The following SCN8A variants were observed in gnomAD, a reference collection of about 807,000 sequenced individuals.
The protein encoded by SCN8A is sodium channel protein type 8 subunit alpha.
SCN8A carries 30 observed loss-of-function variants against 184.1 expected under a neutral mutation model. The observed-to-expected ratio is 0.16, with a 90% CI of 0.12 to 0.22. The LOEUF (loss-of-function observed/expected upper bound fraction) is 0.22, where lower values mean the gene tolerates loss of function less well. Among genes scored for constraint, SCN8A ranks in the 10% least tolerant of loss-of-function variants. The pLI is 1.00. For missense variants in SCN8A, 1,057 were observed against 2,498.9 expected (o/e 0.42, Z 12.30); for synonymous variants, 852 against 907.0 (o/e 0.94, Z 1.09).
At chr12:51,668,858 CAT>C (rs1322815392) in intron 2 of SCN8A, among the ~76,000 whole-genome samples, 1 of 152,186 alleles carries the variant, frequency 6.6e-6, no homozygotes, top group Non-Finnish European at 1.5e-5. Flanking sequence ...AGTATACAAT[CAT>C]GTGTCACTTA....
intron 1 of SCN8A, among the ~76,000 whole-genome samples, chr12:51,657,311 A>G (rs923489709): frequency 9.9e-5 from 15 of 152,170 alleles, no homozygotes; most frequent in African/African-American, 3.4e-4. Flanking sequence ...TATTAGGAAC[A>G]TTCAAAATCC....
chr12:51,742,807 A>G (rs544656308), intron 12 of SCN8A, among the ~76,000 whole-genome samples: 17 of 152,096 alleles, frequency 1.1e-4, no homozygotes, highest in Non-Finnish European at 2.2e-4. Context: ...CTCTTTCTCT[A>G]CGTCCTTTTT....
intron 18 of SCN8A, 166 bp downstream of exon 18, chr12:51,770,151 A>G (rs1942902675): frequency 1.6e-6 from 1 of 625,744 alleles, no homozygotes; most frequent in Non-Finnish European, 2.8e-6. Context: ...CCCTATTTGT[A>G]TCTGACAAGT....
At position 51,810,324 on chromosome 12, in the gene SCN8A, C is replaced by A; in HGVS notation, c.*2895C>A. 1 of 358,928 alleles carries A rather than the reference C, an allele frequency of 2.8e-6. No individual in the cohort carries two copies. Among genetic ancestry groups the A allele is most frequent in the Non-Finnish European group, 5.7e-6 (1 of 175,338 alleles). The allele number at this position is 358,928 out of a possible 1,614,324, so 22.2% of individuals were successfully genotyped here. A position where few individuals can be genotyped will look rare whatever the true frequency, so the allele number is the denominator to read the frequency against. Reference sequence around the variant, plus strand: ...TTCCACCTGCTCACTCACTCACTCTCTCACCCATCCTGCTCCACACTTCTT... The same window carrying A: ...TTCCACCTGCTCACTCACTCACTCTATCACCCATCCTGCTCCACACTTCTT... On this transcript the variant is annotated 3_prime_UTR_variant, in exon 27 of 27. Transcript: ENST00000627620.
chr12:51,632,592 GTTC>G (rs1252586861), intron 1 of SCN8A, among the ~76,000 whole-genome samples: 2 of 152,170 alleles, frequency 1.3e-5, no homozygotes, highest in Non-Finnish European at 2.9e-5. Context: ...TATCATAACA[GTTC>G]TTTTGGCTGA....
chr12:51,644,934 T>C (rs1244506816), intron 1 of SCN8A, among the ~76,000 whole-genome samples: 1 of 147,736 alleles, frequency 6.8e-6, no homozygotes, highest in East Asian at 2.1e-4. Context: ...AGCCGCCCTG[T>C]CTGAGAAGTG....
chr12:51,681,827 A>C (rs1941339539), intron 2 of SCN8A, among the ~76,000 whole-genome samples: 1 of 152,214 alleles, frequency 6.6e-6, no homozygotes, highest in Non-Finnish European at 1.5e-5. Flanking sequence ...AAGAACTTTA[A>C]AAAACATCAC....
intron 19 of SCN8A, among the ~76,000 whole-genome samples, chr12:51,772,395 C>A (rs1288584682): frequency 7.1e-6 from 1 of 141,770 alleles, no homozygotes; most frequent in African/African-American, 2.6e-5. Flanking sequence ...AACTCCATCT[C>A]AAAAAAAAAA....
intron 15 of SCN8A, among the ~76,000 whole-genome samples, chr12:51,764,004 A>G (rs937678623): frequency 6.6e-6 from 1 of 152,230 alleles, no homozygotes; most frequent in African/African-American, 2.4e-5. Flanking sequence ...GTTAGGATCC[A>G]GTCCACAGTG....
At chr12:51,636,473 T>C (rs1940320796) in intron 1 of SCN8A, among the ~76,000 whole-genome samples, 1 of 152,210 alleles carries the variant, frequency 6.6e-6, no homozygotes, top group Non-Finnish European at 1.5e-5. Flanking sequence ...ACAAATGTCA[T>C]ACTCCCAAAT....
chr12:51,712,298 TA>T (rs1941891540), intron 11 of SCN8A, among the ~76,000 whole-genome samples: 2 of 152,240 alleles, frequency 1.3e-5, no homozygotes, highest in Admixed American at 1.3e-4. Flanking sequence ...GTTTCCTGTT[TA>T]AGCTGCAGTA....
At chr12:51,797,706 A>G (rs1031358050) in intron 26 of SCN8A, among the ~76,000 whole-genome samples, 4 of 152,220 alleles carry the variant, frequency 2.6e-5, no homozygotes, top group South Asian at 2.1e-4. Flanking sequence ...ATACTCTTCC[A>G]TACCTCCATT....
chr12:51,786,884 A>C (rs957028364), intron 22 of SCN8A, 58 bp downstream of exon 22: 8 of 1,513,590 alleles, frequency 5.3e-6, no homozygotes, highest in Non-Finnish European at 6.2e-6. Flanking sequence ...CAGCTAGCAC[A>C]AATCCCATTT....
chr12:51,645,905 C>T (rs1038578232), intron 1 of SCN8A, among the ~76,000 whole-genome samples: 39 of 144,424 alleles, frequency 2.7e-4, no homozygotes, highest in African/African-American at 9.9e-4. Context: ...TGTCCTGTGA[C>T]CCTGCCAAAT....
chr12:51,597,965 A>T (rs1426739104), intron 1 of SCN8A, among the ~76,000 whole-genome samples: 1 of 152,158 alleles, frequency 6.6e-6, no homozygotes. Flanking sequence ...TGCAGGAAAA[A>T]AATCAAGCAG....
intron 19 of SCN8A, among the ~76,000 whole-genome samples, chr12:51,773,546 T>C (rs1942962096): frequency 6.6e-6 from 1 of 152,228 alleles, no homozygotes; most frequent in South Asian, 2.1e-4. Context: ...GGAACACTCA[T>C]ATGCTTCTGG....
chr12:51,682,858 T>C (rs930082745), intron 2 of SCN8A, among the ~76,000 whole-genome samples: 1 of 152,082 alleles, frequency 6.6e-6, no homozygotes, highest in African/African-American at 2.4e-5. Flanking sequence ...TTATTCTCCA[T>C]CAACACTGAA....
At chr12:51,744,071 G>A (rs1942469843) in intron 12 of SCN8A, among the ~76,000 whole-genome samples, 1 of 152,230 alleles carries the variant, frequency 6.6e-6, no homozygotes, top group African/African-American at 2.4e-5. Context: ...GAAGGCTGAG[G>A]TGGGAGGATC....
rs369453843 is a variant in SCN8A at position 51,770,566 on chromosome 12, C to G, written c.3528C>G (p.Ile1176Met). 1 of 1,612,530 alleles carries G rather than the reference C, an allele frequency of 6.2e-7. No homozygotes were observed. The highest frequency in any genetic ancestry group is 8.5e-7 in the Non-Finnish European group (1 of 1,179,228). ...GGTTCAAGTGCTGCCAGGTCAACAT[C>G]GAGGAAGGGCTAGGCAAGTCTTGGT... is the stretch of plus-strand genomic sequence containing the variant. ...VQRFKCCQVN[I>M]EEGLGKSWWI... Residue 1176 changes from isoleucine to methionine, a missense_variant, in exon 19 of 27, where the codon ATC becomes ATG. By Grantham distance (10) the Ile-to-Met change is conservative (BLOSUM62 1). This residue lies in a region of SCN8A where 178 missense variants were observed against 259.6 expected (regional missense o/e 0.69). Coordinates refer to ENST00000627620, the MANE Select transcript of SCN8A (RefSeq NM_001330260.2).
Sources: gnomAD v4.1 joint callset for allele counts (sites outside exome capture counted in the v4.1 genomes callset) on GRCh38, gnomAD v4.1.1 for gene constraint, gnomAD v4.1.1 regional missense constraint, MANE v1.5 for transcripts, NCBI Gene and HGNC (gene_info 2026-07-23, HGNC 2026-07-21) for gene names.